NF1: variants seen among roughly 807,000 people sequenced by gnomAD.
NF1 encodes the protein neurofibromin.
In NF1, 122 loss-of-function variants were observed where a neutral mutation model predicts 325.7. That is an observed-to-expected ratio of 0.37 (90% confidence interval 0.32 to 0.44). NF1 has a LOEUF of 0.44. Ranked by LOEUF, NF1 falls within the 20% of genes least tolerant of loss-of-function variation. NF1 has a pLI of 1.00. For missense variants in NF1, 2,140 were observed against 3,415.4 expected (o/e 0.63, Z 9.31); for synonymous variants, 1,091 against 1,186.0 (o/e 0.92, Z 1.65).
At chr17:31,319,805 A>G (rs2069133180) in intron 36 of NF1, among the ~76,000 whole-genome samples, 2 of 151,960 alleles carry the variant, frequency 1.3e-5, no homozygotes, top group African/African-American at 4.8e-5. Flanking sequence ...TAAAAGTTCA[A>G]CAAAAGTTGC....
intron 1 of NF1, among the ~76,000 whole-genome samples, chr17:31,100,833 G>T (rs1353019171): frequency 1.3e-5 from 2 of 152,182 alleles, no homozygotes; most frequent in Admixed American, 1.3e-4. Context: ...TTCCCAAAGT[G>T]CTGGGATTAC....
chr17:31,354,760 A>C (rs979344079), intron 51 of NF1, among the ~76,000 whole-genome samples: 5 of 152,184 alleles, frequency 3.3e-5, no homozygotes. Flanking sequence ...CCAGGAACTC[A>C]GGAGGCCAAG....
At chr17:31,279,810 G>GTGA (rs1474631829) in intron 36 of NF1, among the ~76,000 whole-genome samples, 3 of 152,138 alleles carry the variant, frequency 2.0e-5, no homozygotes, top group Admixed American at 2.0e-4. Flanking sequence ...GGTTCTCAGG[G>GTGA]TGAATGCCCA....
intron 36 of NF1, chr17:31,304,356 G>T (rs761631949): frequency 1.9e-6 from 3 of 1,614,138 alleles, no homozygotes; most frequent in South Asian, 1.1e-5. Flanking sequence ...GGATCTCAAG[G>T]TTGGAATCTT....
At position 31,235,652 on chromosome 17, in the gene NF1, G is replaced by T. The variant is rs201756981; in HGVS notation, c.3750G>T (p.Arg1250=). 6.2e-7 allele frequency: 1 copy of T among 1,614,052 alleles called. No individual in the cohort carries two copies. Among genetic ancestry groups the T allele is most frequent in the East Asian group, 2.2e-5 (1 of 44,872 alleles). Residue 1250 remains arginine (R), a synonymous_variant, in exon 28 of 58, where the codon CGG becomes CGT. Transcript: ENST00000358273. ...ARVLVTLFDS[R]HLLYQLLWNM... Reference sequence around the variant, plus strand: ...TTCTGGTTACTCTGTTTGATTCTCGGCATTTACTCTACCAACTGCTCTGGA... The same window carrying T: ...TTCTGGTTACTCTGTTTGATTCTCGTCATTTACTCTACCAACTGCTCTGGA...
intron 54 of NF1, chr17:31,358,211 G>A (rs758949654): frequency 1.1e-4 from 55 of 495,768 alleles, no homozygotes; most frequent in Non-Finnish European, 1.9e-4. Context: ...ACCGTATATG[G>A]TTACACATGG....
intron 36 of NF1, among the ~76,000 whole-genome samples, chr17:31,267,415 C>T (rs1485635543): frequency 3.9e-5 from 6 of 152,084 alleles, no homozygotes; most frequent in East Asian, 1.9e-4. Context: ...GGGGATATGG[C>T]ACTGTCAGTT....
chr17:31,240,245 C>A (rs1026748307), intron 29 of NF1, among the ~76,000 whole-genome samples: 31 of 152,074 alleles, frequency 2.0e-4, no homozygotes, highest in African/African-American at 7.0e-4. Flanking sequence ...CACTTCCCAG[C>A]CTCTGGGTAA....
rs372932380 is a variant in NF1 at position 31,327,727 on chromosome 17, C to G, written c.5497C>G (p.Leu1833Val). 1.2e-6 allele frequency: 2 copies of G among 1,614,142 alleles called. No homozygotes were observed. The highest frequency in any genetic ancestry group is 1.7e-6 in the Non-Finnish European group (2 of 1,179,994). ...CATTCATATCCGGACCCGCTGGGAA[C>G]TGTCACAGCCCGACTCTATCCCCCA... ...SIIHIRTRWE[L>V]SQPDSIPQHT... is the part of the protein sequence containing the mutation. The change falls in exon 38 of 58, where the codon CTG becomes GTG. Residue 1833 changes from leucine (L) to valine (V), a missense_variant. This residue lies in a region of NF1 where 147 missense variants were observed against 186.7 expected (regional missense o/e 0.79). Coordinates refer to ENST00000358273, the MANE Select transcript of NF1 (RefSeq NM_001042492.3).
At chr17:31,365,741 A>C (rs1321337379) in intron 57 of NF1, among the ~76,000 whole-genome samples, 1 of 152,182 alleles carries the variant, frequency 6.6e-6, no homozygotes, top group Non-Finnish European at 1.5e-5. Flanking sequence ...GGGCAGTAGA[A>C]TGTACATAGA....
intron 36 of NF1, among the ~76,000 whole-genome samples, chr17:31,270,065 T>C (rs944717657): frequency 2.0e-5 from 3 of 152,162 alleles, no homozygotes; most frequent in Admixed American, 6.5e-5. Flanking sequence ...CATCCAGCTT[T>C]AAAAAGGCCC....
In NF1 at chr17:31,229,235, A is replaced by C. The variant is rs2151429268; in HGVS notation, c.2620A>C (p.Lys874Gln). ...SPPMGPVSER[K>Q]GSMISVMSSE... ...ACCCATGGGTCCAGTCAGTGAACGT[A>C]AGGGTTCTATGATTTCAGTGATGTC... The change falls in exon 21 of 58, where the codon AAG becomes CAG. Residue 874 changes from lysine (K) to glutamine (Q), a missense_variant. Lys to Gln is a moderately conservative substitution (Grantham distance 53, BLOSUM62 1). This residue lies in a region of NF1 where 380 missense variants were observed against 639.3 expected (regional missense o/e 0.59). Transcript: ENST00000358273. 6.2e-7 allele frequency: 1 copy of C among 1,612,460 alleles called. No individual in the cohort carries two copies. Among genetic ancestry groups the C allele is most frequent in the Non-Finnish European group, 8.5e-7 (1 of 1,179,826 alleles).
intron 1 of NF1, among the ~76,000 whole-genome samples, chr17:31,111,813 GA>G (rs1913441348): frequency 6.6e-6 from 1 of 152,124 alleles, no homozygotes; most frequent in African/African-American, 2.4e-5. Flanking sequence ...AGGAAATAAT[GA>G]AGAGCACACA....
intron 36 of NF1, among the ~76,000 whole-genome samples, chr17:31,294,314 C>T (rs997114667): frequency 6.6e-6 from 1 of 152,132 alleles, no homozygotes; most frequent in Non-Finnish European, 1.5e-5. Context: ...GCAAAAAACA[C>T]AACCGTTAAA....
At chr17:31,332,719 C>A (rs2069538142) in intron 39 of NF1, among the ~76,000 whole-genome samples, 1 of 41,350 alleles carries the variant, frequency 2.4e-5, no homozygotes. Context: ...CCAATGCTAT[C>A]CCTCCCCCCT....
chr17:31,173,512 C>G (rs541964154), intron 5 of NF1, among the ~76,000 whole-genome samples: 1 of 151,706 alleles, frequency 6.6e-6, no homozygotes, highest in Non-Finnish European at 1.5e-5. Context: ...ACAGCAGAAT[C>G]GCTTGAGCCT....
chr17:31,370,261 G>T (rs1489643953), intron 57 of NF1, among the ~76,000 whole-genome samples: 1 of 152,094 alleles, frequency 6.6e-6, no homozygotes, highest in Non-Finnish European at 1.5e-5. Flanking sequence ...ATGAGGGATG[G>T]GGCTGACAAG....
At chr17:31,257,350 C>T (rs2067600237) in intron 31 of NF1, among the ~76,000 whole-genome samples, 1 of 152,104 alleles carries the variant, frequency 6.6e-6, no homozygotes, top group Non-Finnish European at 1.5e-5. Flanking sequence ...TAAAATGTTA[C>T]ATTAAGTGTT....
chr17:31,184,676 A>G (rs1425136445), intron 8 of NF1, among the ~76,000 whole-genome samples: 4 of 150,098 alleles, frequency 2.7e-5, no homozygotes, highest in Non-Finnish European at 4.4e-5. Flanking sequence ...AAAAAAATAA[A>G]AAAATAAAAT....
Sources: allele counts gnomAD v4.1 joint callset (sites outside exome capture counted in the v4.1 genomes callset), GRCh38; gene constraint gnomAD v4.1.1; regional missense constraint gnomAD v4.1.1; transcripts MANE v1.5; gene names NCBI Gene and HGNC (gene_info 2026-07-23, HGNC 2026-07-21).